The following ASTN2 variants were observed in gnomAD, a reference collection of about 807,000 sequenced individuals.
ASTN2 encodes astrotactin-2.
A neutral mutation model predicts 139.8 loss-of-function variants in ASTN2; 54 were observed. The observed-to-expected ratio is 0.39, with a 90% CI of 0.31 to 0.48. ASTN2 has a LOEUF of 0.48. ASTN2 is among the 20% of genes least tolerant of loss of function. The pLI is 0.95. For synonymous variants in ASTN2, 756 were observed against 719.5 expected (o/e 1.05, Z -0.81); for missense variants, 1,565 against 1,725.1 (o/e 0.91, Z 1.64).
intron 19 of ASTN2, among the ~76,000 whole-genome samples, chr9:116,587,864 C>T (rs1285002156): frequency 6.6e-6 from 1 of 152,158 alleles, no homozygotes; most frequent in Admixed American, 6.5e-5. Flanking sequence ...ATATTCTATG[C>T]CCAGGCCCTT....
At chr9:117,176,213 T>C (rs1022366983) in intron 3 of ASTN2, among the ~76,000 whole-genome samples, 5 of 152,150 alleles carry the variant, frequency 3.3e-5, no homozygotes, top group Admixed American at 3.3e-4. Flanking sequence ...GTCGAGAATT[T>C]GGGAAAATGA....
chr9:116,848,161 A>T (rs1381311884), intron 11 of ASTN2, among the ~76,000 whole-genome samples: 1 of 152,186 alleles, frequency 6.6e-6, no homozygotes, highest in Non-Finnish European at 1.5e-5. Context: ...AACCCAGAAA[A>T]GAATGCACCA....
chr9:116,619,171 T>C (rs1009992603), intron 18 of ASTN2, among the ~76,000 whole-genome samples: 17 of 152,140 alleles, frequency 1.1e-4, no homozygotes, highest in Admixed American at 1.3e-4. Context: ...AAGACCATCT[T>C]ATAACATGAT....
Position 116,976,591 on chromosome 9 carries a change from T to C in ASTN2, c.1676+110A>G, listed in dbSNP as rs543602030. The C allele has an allele frequency of 4.6e-5, 41 of 893,528 alleles. 1 individual carries two copies. The Middle Eastern group carries it at 1.3e-3, about 29-fold the overall frequency. 55.3% of individuals were successfully genotyped at this position (893,528 alleles called of 1,614,324 possible). ...TTGGGTTTTGCAGGAACACTACTGT[T>C]GCAGAGAAAGAGTCCTCTTTGTGGA... is the stretch of plus-strand genomic sequence containing the variant. On this transcript the variant is annotated intron_variant, in intron 8 of 22. Coordinates refer to ENST00000313400, the MANE Select transcript of ASTN2 (RefSeq NM_001365068.1).
intron 19 of ASTN2, among the ~76,000 whole-genome samples, chr9:116,559,577 C>T (rs538932926): frequency 2.6e-4 from 39 of 152,244 alleles, no homozygotes; most frequent in Middle Eastern, 3.4e-3. Flanking sequence ...GTGAATCCAA[C>T]GAGAATGTTA....
chr9:117,371,448 C>G (rs963783562), intron 1 of ASTN2, among the ~76,000 whole-genome samples: 1 of 152,156 alleles, frequency 6.6e-6, no homozygotes, highest in Non-Finnish European at 1.5e-5. Flanking sequence ...TGTAAAGTGT[C>G]CTTTCACCTG....
chr9:116,799,162 A>T (rs1310673632), intron 13 of ASTN2, among the ~76,000 whole-genome samples: 1 of 152,090 alleles, frequency 6.6e-6, no homozygotes, highest in Non-Finnish European at 1.5e-5. Context: ...TTAGGAAGGC[A>T]CTAGAAAAAT....
At chr9:117,123,710 G>A (rs1476898843) in intron 4 of ASTN2, among the ~76,000 whole-genome samples, 4 of 152,010 alleles carry the variant, frequency 2.6e-5, no homozygotes, top group African/African-American at 2.4e-5. Context: ...ACATTAAGAG[G>A]CAAGCAAAGC....
At chr9:117,004,508 A>T (rs902932619) in intron 7 of ASTN2, among the ~76,000 whole-genome samples, 7 of 152,172 alleles carry the variant, frequency 4.6e-5, no homozygotes, top group African/African-American at 1.7e-4. Context: ...AAGCCAAATC[A>T]TGGCCCTACC....
chr9:116,446,558 C>T (rs1290940082), intron 20 of ASTN2, among the ~76,000 whole-genome samples: 1 of 152,166 alleles, frequency 6.6e-6, no homozygotes, highest in Non-Finnish European at 1.5e-5. Flanking sequence ...CCTCCTCCTC[C>T]AGTGCTCTCT....
chr9:117,084,961 T>C (rs1044899040), intron 5 of ASTN2, among the ~76,000 whole-genome samples: 2 of 152,208 alleles, frequency 1.3e-5, no homozygotes, highest in African/African-American at 4.8e-5. Flanking sequence ...CCCTGACAGC[T>C]CTTCTTCCCA....
At chr9:117,303,009 G>A (rs926936926) in intron 1 of ASTN2, among the ~76,000 whole-genome samples, 1 of 152,000 alleles carries the variant, frequency 6.6e-6, no homozygotes, top group African/African-American at 2.4e-5. Flanking sequence ...TGCATACATG[G>A]ATGTTACCCA....
chr9:117,070,024 T>A (rs1232079989), intron 5 of ASTN2, among the ~76,000 whole-genome samples: 1 of 150,474 alleles, frequency 6.6e-6, no homozygotes, highest in Non-Finnish European at 1.5e-5. Flanking sequence ...AAGTTAATAT[T>A]GTTATGTGTG....
intron 1 of ASTN2, among the ~76,000 whole-genome samples, chr9:117,375,076 C>T (rs942449166): frequency 1.1e-4 from 17 of 152,184 alleles, no homozygotes; most frequent in African/African-American, 3.9e-4. Context: ...ATCAAATTCC[C>T]TCCCAGCACG....
chr9:116,879,782 C>G (rs1434551808), intron 10 of ASTN2, among the ~76,000 whole-genome samples: 1 of 152,172 alleles, frequency 6.6e-6, no homozygotes, highest in Non-Finnish European at 1.5e-5. Context: ...GTAATTGTTA[C>G]TAACAATAGC....
In ASTN2 at chr9:116,626,998, T is replaced by C. The variant is rs548803706; in HGVS notation, c.3073-6555A>G. Reference sequence around the variant, plus strand: ...CCATTTCCCTGGTAGCCATAGGAGATAGGGCACAGGGGCTGGAGGCCCCAT... The same window carrying C: ...CCATTTCCCTGGTAGCCATAGGAGACAGGGCACAGGGGCTGGAGGCCCCAT... On this transcript the variant is annotated intron_variant, in intron 17 of 22. Transcript: ENST00000313400. Among the ~76,000 whole-genome samples, 7 of 152,314 alleles carry C rather than the reference T, an allele frequency of 4.6e-5. No homozygotes were observed. In the South Asian group the frequency reaches 8.3e-4, roughly 18 times the overall value.
intron 19 of ASTN2, among the ~76,000 whole-genome samples, chr9:116,541,519 T>A (rs1851877282): frequency 6.6e-6 from 1 of 152,014 alleles, no homozygotes; most frequent in African/African-American, 2.4e-5. Context: ...GGACTGAGAG[T>A]AAAAACTTAA....
At chr9:117,394,299 T>G (rs1830617275) in intron 1 of ASTN2, among the ~76,000 whole-genome samples, 1 of 152,186 alleles carries the variant, frequency 6.6e-6, no homozygotes, top group Non-Finnish European at 1.5e-5. Flanking sequence ...TGTTATTCAA[T>G]GTAGTAGCCA....
intron 10 of ASTN2, among the ~76,000 whole-genome samples, chr9:116,936,260 CCACCACTACCAT>C (rs1191593377): frequency 6.7e-6 from 1 of 148,214 alleles, no homozygotes; most frequent in Non-Finnish European, 1.5e-5. Flanking sequence ...ATCACCACCA[CCACCACTACCAT>C]CACCACTACC....
Sources: allele counts gnomAD v4.1 joint callset (sites outside exome capture counted in the v4.1 genomes callset), GRCh38; gene constraint gnomAD v4.1.1; transcripts MANE v1.5; gene names NCBI Gene and HGNC (gene_info 2026-07-23, HGNC 2026-07-21).